BNIPL: variants seen among roughly 807,000 people sequenced by gnomAD.
BNIPL encodes the protein bcl-2/adenovirus E1B 19 kDa-interacting protein 2-like protein.
In BNIPL, 33 loss-of-function variants were observed where a neutral mutation model predicts 47.0. The observed-to-expected ratio is 0.70, with a 90% confidence interval of 0.53 to 0.94. BNIPL has a LOEUF of 0.94. Ranked by LOEUF, BNIPL falls within the 40% of genes least tolerant of loss-of-function variation. The probability of loss-of-function intolerance (pLI) is 0.00; values close to 1 mark genes in which losing one functional copy is unlikely to be tolerated. For missense variants in BNIPL, 404 were observed against 445.2 expected (o/e 0.91, Z 0.83); for synonymous variants, 145 against 162.7 (o/e 0.89, Z 0.83).
Position 151,043,145 on chromosome 1 carries a change from G to C in BNIPL, c.616+7G>C. On this transcript the variant is annotated splice_region_variant and intron_variant, in intron 5 of 9. Coordinates refer to ENST00000368931, the MANE Select transcript of BNIPL (RefSeq NM_138278.4). ...AAAGTCCTGTCTCATGGAGGTAATG[G>C]CTAGCATAATGCAGGTGTTAAGAGC... 1 of 1,609,702 alleles carries C rather than the reference G, an allele frequency of 6.2e-7. No individual in the cohort carries two copies. Among genetic ancestry groups the C allele is most frequent in the South Asian group, 1.1e-5 (1 of 90,894 alleles).
rs751515434 is a variant in BNIPL, at chr1:151,038,584, A to G, written c.202+16A>G. 4.0e-5 allele frequency: 64 copies of G among 1,611,216 alleles called. No homozygotes were observed. The highest frequency in any genetic ancestry group is 5.4e-5 in the Non-Finnish European group (63 of 1,177,392). Reference sequence around the variant, plus strand: ...TCACAGGCAGGTAGGTCAAGTAGAAACCAGGCCTCAAGTTCTTGATTCTAG... The same window carrying G: ...TCACAGGCAGGTAGGTCAAGTAGAAGCCAGGCCTCAAGTTCTTGATTCTAG... On this transcript the variant is annotated intron_variant, in intron 3 of 9. Transcript: ENST00000368931.
At chr1:151,040,916 C>T (rs1241519095) in intron 4 of BNIPL, among the ~76,000 whole-genome samples, 1 of 151,914 alleles carries the variant, frequency 6.6e-6, no homozygotes, top group African/African-American at 2.4e-5. Context: ...TGCAGTGGCT[C>T]ATTCCTGTAA....
chr1:151,041,582 G>A (rs1337821213), intron 4 of BNIPL, among the ~76,000 whole-genome samples: 2 of 152,136 alleles, frequency 1.3e-5, no homozygotes, highest in South Asian at 4.1e-4. Flanking sequence ...TTGGATAGCA[G>A]AGTGAGTCCC....
intron 1 of BNIPL, 40 bp downstream of exon 1, chr1:151,036,806 TA>T (rs1675614276): frequency 6.4e-7 from 1 of 1,570,498 alleles, no homozygotes. Flanking sequence ...TAACAGTGAA[TA>T]AACAGTCCGG....
At chr1:151,042,241 T>G (rs1000158756) in intron 4 of BNIPL, among the ~76,000 whole-genome samples, 4 of 151,788 alleles carry the variant, frequency 2.6e-5, no homozygotes, top group Admixed American at 6.6e-5. Context: ...GTTCCATTTT[T>G]TTGTTGTTGT....
intron 2 of BNIPL, among the ~76,000 whole-genome samples, 190 bp downstream of exon 2, chr1:151,037,852 TAGCC>T (rs1257244337): frequency 2.0e-5 from 3 of 151,226 alleles, no homozygotes; most frequent in Non-Finnish European, 4.4e-5. Context: ...AATACAAAAT[TAGCC>T]AGGTGTGGTG....
At chr1:151,045,553 C>T (rs1675986887) in intron 7 of BNIPL, 9 of 446,398 alleles carry the variant, frequency 2.0e-5, no homozygotes, top group East Asian at 1.8e-4. Flanking sequence ...AGTGAGACTC[C>T]GTCTCAAAAA....
Position 151,038,497 on chromosome 1 carries a change from C to G in BNIPL, c.138-7C>G. ...TGTCTGCCGCCTTTTAATCTCTTCCCCTCTAGATTGCTTCCTGAGGAGGCT... is the reference window on the plus strand; with the variant it reads ...TGTCTGCCGCCTTTTAATCTCTTCCGCTCTAGATTGCTTCCTGAGGAGGCT... On this transcript the variant is annotated splice_polypyrimidine_tract_variant and splice_region_variant and intron_variant, in intron 2 of 9. Coordinates refer to ENST00000368931, the MANE Select transcript of BNIPL (RefSeq NM_138278.4). 1 of 1,608,584 alleles carries G rather than the reference C, an allele frequency of 6.2e-7. No homozygotes were observed. Among genetic ancestry groups the G allele is most frequent in the Non-Finnish European group, 8.5e-7 (1 of 1,175,028 alleles).
rs1340615145 is a variant in BNIPL at position 151,043,409 on chromosome 1, A to G, written c.694A>G (p.Thr232Ala). The G allele has an allele frequency of 1.2e-6, 2 of 1,607,418 alleles. No individual in the cohort carries two copies. Among genetic ancestry groups the G allele is most frequent in the Admixed American group, 1.7e-5 (1 of 59,996 alleles). The change falls in exon 6 of 10, where the codon ACC (threonine) becomes GCC (alanine). Residue 232 changes from threonine (T) to alanine (A), a missense_variant. Transcript: ENST00000368931. ...ACCCAGAAGCAGCATCCCCAACTACACCTATGTCATGGAACACTTGTTTAG... is the reference window on the plus strand; with the variant it reads ...ACCCAGAAGCAGCATCCCCAACTACGCCTATGTCATGGAACACTTGTTTAG... ...YLPRSSIPNY[T>A]YVMEHLFRYM...
chr1:151,037,766 C>T (rs143226373), intron 2 of BNIPL, 104 bp downstream of exon 2: 31,438 of 956,908 alleles, frequency 0.033, 655 homozygotes, highest in Non-Finnish European at 0.039. Context: ...TTTGGGTGGC[C>T]GAGGCGGGTG....
At chr1:151,038,373 CA>C in intron 2 of BNIPL, 130 bp from the exon 3 acceptor site, 4 of 732,410 alleles carry the variant, frequency 5.5e-6, no homozygotes, top group South Asian at 1.7e-5. Flanking sequence ...GACCCTGTCT[CA>C]AAAAAACAAT....
At chr1:151,045,372 C>A (rs1378232470) in intron 7 of BNIPL, among the ~76,000 whole-genome samples, 1 of 149,508 alleles carries the variant, frequency 6.7e-6, no homozygotes, top group African/African-American at 2.5e-5. Context: ...GAGATCGAGA[C>A]CATGGTGAAA....
chr1:151,040,818 A>C (rs116025648), intron 4 of BNIPL, among the ~76,000 whole-genome samples: 4,004 of 150,388 alleles, frequency 0.027, 160 homozygotes, highest in African/African-American at 0.079. Context: ...AAAAAAGAAG[A>C]AGCAGCTCTT....
At chr1:151,044,189 T>C (rs1429101621) in intron 7 of BNIPL, among the ~76,000 whole-genome samples, 1 of 152,112 alleles carries the variant, frequency 6.6e-6, no homozygotes, top group African/African-American at 2.4e-5. Context: ...TTCACCATTT[T>C]GCCCAGGCTG....
intron 7 of BNIPL, 180 bp from the exon 8 acceptor site, chr1:151,045,617 C>A: frequency 1.1e-6 from 1 of 950,480 alleles, no homozygotes; most frequent in Non-Finnish European, 1.4e-6. Context: ...TCATGGAGGG[C>A]TAAATAAGAT....
chr1:151,046,085 A>T lies in BNIPL; in HGVS notation c.957A>T (p.Lys319Asn). The T allele has an allele frequency of 6.2e-7, 1 of 1,614,168 alleles. No individual in the cohort carries two copies. Among genetic ancestry groups the T allele is most frequent in the Non-Finnish European group, 8.5e-7 (1 of 1,180,040 alleles). Reference sequence around the variant, plus strand: ...TTTTCAGTTCCAAATTCACACGAAAAATCCGTTTTCTGGACAGCCTGGGGG... The same window carrying T: ...TTTTCAGTTCCAAATTCACACGAAATATCCGTTTTCTGGACAGCCTGGGGG... ...RPFISSKFTR[K>N]IRFLDSLGEL... Residue 319 changes from lysine to asparagine, a missense_variant, in exon 9 of 10, where the codon AAA (lysine) becomes AAT (asparagine). Lys to Asn is a moderately conservative substitution (Grantham distance 94, BLOSUM62 0). Coordinates refer to ENST00000368931, the MANE Select transcript of BNIPL (RefSeq NM_138278.4).
intron 4 of BNIPL, among the ~76,000 whole-genome samples, chr1:151,039,833 G>A (rs1675757926): frequency 1.3e-5 from 2 of 152,040 alleles, no homozygotes; most frequent in Admixed American, 6.6e-5. Flanking sequence ...TTACTGCAAC[G>A]TCTGCTTCCT....
Position 151,038,809 on chromosome 1 carries a change from C to G in BNIPL, c.216C>G (p.Pro72=), listed in dbSNP as rs1453964044. The G allele has an allele frequency of 1.3e-6, 2 of 1,591,402 alleles. No homozygotes were observed. The highest frequency in any genetic ancestry group is 1.7e-6 in the Non-Finnish European group (2 of 1,167,836). Residue 72 remains proline, a synonymous_variant, in exon 4 of 10, where the codon CCC becomes CCG. Coordinates refer to ENST00000368931, the MANE Select transcript of BNIPL (RefSeq NM_138278.4). ...CCCTTTCTCCAGCTGCAGGTACCCCCAGCACTTTAGCCCTGTGTGGCCAGC... is the reference window on the plus strand; with the variant it reads ...CCCTTTCTCCAGCTGCAGGTACCCCGAGCACTTTAGCCCTGTGTGGCCAGC... ...KGDSQAAAGT[P]STLALCGQRP...
Position 151,043,691 on chromosome 1 carries a change from G to A in BNIPL, c.815G>A (p.Ser272Asn), listed in dbSNP as rs779213879. Residue 272 changes from serine (S) to asparagine (N), a missense_variant, in exon 7 of 10, where the codon AGC (serine) becomes AAC (asparagine). Ser to Asn is a conservative substitution (Grantham distance 46). Transcript: ENST00000368931. ...AGCAGGGCCCAAGTTCCACCTCTAAGCTGGATACGTCAGTGTTACCGTACC... is the reference window on the plus strand; with the variant it reads ...AGCAGGGCCCAAGTTCCACCTCTAAACTGGATACGTCAGTGTTACCGTACC... ...GTSRAQVPPL[S>N]WIRQCYRTLD... 2.5e-6 allele frequency: 4 copies of A among 1,614,052 alleles called. No individual in the cohort carries two copies. Among genetic ancestry groups the A allele is most frequent in the South Asian group, 2.2e-5 (2 of 91,086 alleles).
Sources: allele counts gnomAD v4.1 joint callset (sites outside exome capture counted in the v4.1 genomes callset), GRCh38; gene constraint gnomAD v4.1.1; transcripts MANE v1.5; gene names NCBI Gene and HGNC (gene_info 2026-07-23, HGNC 2026-07-21).